The following ARFGEF1 variants were observed in gnomAD, a reference collection of about 807,000 sequenced individuals.
The protein encoded by ARFGEF1 is ARF guanine nucleotide exchange factor 1.
In ARFGEF1, 42 loss-of-function variants were observed where a neutral mutation model predicts 231.0. That is an observed-to-expected ratio of 0.18 (90% CI 0.14 to 0.24). The LOEUF (loss-of-function observed/expected upper bound fraction) is 0.24. ARFGEF1 is among the 10% of genes least tolerant of loss of function. ARFGEF1 has a pLI of 1.00. For missense variants in ARFGEF1, 1,345 were observed against 2,192.0 expected (o/e 0.61, Z 7.72); for synonymous variants, 710 against 732.3 (o/e 0.97, Z 0.49).
At chr8:67,257,842 T>A (rs1840510207) in intron 16 of ARFGEF1, 26 bp from the exon 17 acceptor site, 1 of 1,557,788 alleles carries the variant, frequency 6.4e-7, no homozygotes, top group African/African-American at 1.4e-5. Flanking sequence ...TATCATGTTA[T>A]AAACTTCTAC....
At chr8:67,195,588 G>A (rs1837779586), downstream of ARFGEF1, 2 of 1,613,876 alleles carry the variant, frequency 1.2e-6, no homozygotes, top group African/African-American at 1.3e-5. Flanking sequence ...GACTGCACAT[G>A]GTTAAAATAA....
intron 5 of ARFGEF1, among the ~76,000 whole-genome samples, chr8:67,293,722 T>G (rs1235819044): frequency 2.6e-5 from 4 of 152,130 alleles, no homozygotes; most frequent in Non-Finnish European, 4.4e-5. Flanking sequence ...CCTCTCAATT[T>G]TCACTCCCTT....
intron 5 of ARFGEF1, among the ~76,000 whole-genome samples, chr8:67,182,434 T>C (rs1406250013): frequency 9.2e-5 from 14 of 152,234 alleles, no homozygotes; most frequent in Non-Finnish European, 1.8e-4. Context: ...TTGTGAATAA[T>C]GCTCCTATGA....
intron 4 of ARFGEF1, among the ~76,000 whole-genome samples, chr8:67,298,257 CA>C (rs1806325694): frequency 6.6e-6 from 1 of 152,108 alleles, no homozygotes; most frequent in African/African-American, 2.4e-5. Flanking sequence ...CTATATATAG[CA>C]CATGAAAATT....
At chr8:67,305,674 T>C (rs186612541) in intron 1 of ARFGEF1, among the ~76,000 whole-genome samples, 1 of 152,298 alleles carries the variant, frequency 6.6e-6, no homozygotes, top group Admixed American at 6.5e-5. Flanking sequence ...AACTAGTGTA[T>C]TACCCAATAC....
At chr8:67,228,581 G>A (rs1386635630) in intron 23 of ARFGEF1, among the ~76,000 whole-genome samples, 1 of 151,962 alleles carries the variant, frequency 6.6e-6, no homozygotes, top group African/African-American at 2.4e-5. Context: ...ATATTAATTT[G>A]TAAAACTAAT....
intron 5 of ARFGEF1, among the ~76,000 whole-genome samples, chr8:67,181,436 G>A (rs1314712505): frequency 6.6e-6 from 1 of 151,298 alleles, no homozygotes; most frequent in African/African-American, 2.4e-5. Flanking sequence ...ACAGGGATGG[G>A]AAGATTGCTT....
chr8:67,210,028 A>G (rs1838669490), intron 34 of ARFGEF1, among the ~76,000 whole-genome samples: 1 of 151,630 alleles, frequency 6.6e-6, no homozygotes, highest in Non-Finnish European at 1.5e-5. Flanking sequence ...GGTGGCAGGC[A>G]CCTGTAGTCC....
At chr8:67,244,256 A>C (rs1173750379) in intron 19 of ARFGEF1, among the ~76,000 whole-genome samples, 1 of 29,464 alleles carries the variant, frequency 3.4e-5, no homozygotes, top group Non-Finnish European at 5.9e-5. Flanking sequence ...AAAAAAAAAA[A>C]AAAAAAAAAA....
intron 1 of ARFGEF1, among the ~76,000 whole-genome samples, chr8:67,327,599 C>T (rs749789992): frequency 3.3e-5 from 5 of 152,236 alleles, no homozygotes; most frequent in Non-Finnish European, 5.9e-5. Context: ...GGATTACAGG[C>T]GTGAGCCAAC....
In ARFGEF1 at chr8:67,288,023, T is replaced by C; in HGVS notation, c.959A>G (p.Asp320Gly). ...AATGTCTTGTGGCTTTTCCTCACAA[T>C]CATGGTTTTCTCCGTCATATAACAC... is the stretch of plus-strand genomic sequence containing the variant. ...NEVLYDGENH[D>G]CEEKPQDIVQ... The change falls in exon 7 of 39, where the codon GAT becomes GGT. Residue 320 changes from aspartate to glycine, a missense_variant. Around this residue, in one of 14 missense-constraint regions of ARFGEF1, gnomAD observed 398 missense variants for 463.2 expected, o/e 0.86. Coordinates refer to ENST00000262215, the MANE Select transcript of ARFGEF1 (RefSeq NM_006421.5). 6.2e-7 allele frequency: 1 copy of C among 1,608,450 alleles called. No homozygotes were observed. Among genetic ancestry groups the C allele is most frequent in the Non-Finnish European group, 8.5e-7 (1 of 1,178,288 alleles).
chr8:67,329,916 A>G (rs1322078503), intron 1 of ARFGEF1, among the ~76,000 whole-genome samples: 1 of 152,048 alleles, frequency 6.6e-6, no homozygotes, highest in African/African-American at 2.4e-5. Flanking sequence ...CTTCAATGAG[A>G]CTGAATTGGT....
chr8:67,311,587 C>T (rs563058697), intron 1 of ARFGEF1, among the ~76,000 whole-genome samples: 17 of 148,574 alleles, frequency 1.1e-4, no homozygotes, highest in Admixed American at 1.1e-3. Flanking sequence ...CCCCGCCTGG[C>T]CAGCCGCCTC....
chr8:67,201,324 A>G, intron 37 of ARFGEF1, 143 bp downstream of exon 37: 2 of 1,055,524 alleles, frequency 1.9e-6, no homozygotes, highest in Non-Finnish European at 2.6e-6. Context: ...CTAAGACTGA[A>G]TTTAATTTTT....
chr8:67,274,432 G>A (rs907493524), intron 9 of ARFGEF1, among the ~76,000 whole-genome samples: 6 of 151,952 alleles, frequency 3.9e-5, no homozygotes, highest in African/African-American at 1.2e-4. Context: ...GACCCTGACA[G>A]TCAAGTCAAG....
chr8:67,216,749 A>G lies in ARFGEF1; in HGVS notation c.4614-87T>C, dbSNP rs1284930495. The G allele has an allele frequency of 1.7e-5, 16 of 967,648 alleles. No homozygotes were observed. The Admixed American group carries it at 1.7e-4, about 10-fold the overall frequency. The allele number at this position is 967,648 out of a possible 1,614,324, so 59.9% of individuals were successfully genotyped here. A position where few individuals can be genotyped will look rare whatever the true frequency, so the allele number is the denominator to read the frequency against. On this transcript the variant is annotated intron_variant, in intron 32 of 38. Coordinates refer to ENST00000262215, the MANE Select transcript of ARFGEF1 (RefSeq NM_006421.5). ...ATTTTGAAATGGGCCCAAGAAAGTA[A>G]CAAGAACATACCAACTAAACAGTCC...
At chr8:67,258,317 G>T in intron 15 of ARFGEF1, 27 bp from the exon 16 acceptor site, 7 of 1,411,346 alleles carry the variant, frequency 5.0e-6, no homozygotes, top group African/African-American at 2.9e-5. Flanking sequence ...GATAGAAATT[G>T]ATATTTTCTT....
intron 7 of ARFGEF1, 143 bp from the exon 8 acceptor site, chr8:67,277,600 T>C (rs1805366519): frequency 4.3e-6 from 3 of 695,258 alleles, no homozygotes; most frequent in Non-Finnish European, 7.0e-6. Context: ...AAGGTTAGCA[T>C]ACTTACTACT....
At chr8:67,252,391 G>A (rs999994583) in intron 18 of ARFGEF1, among the ~76,000 whole-genome samples, 5 of 151,612 alleles carry the variant, frequency 3.3e-5, no homozygotes, top group Admixed American at 2.0e-4. Flanking sequence ...TAACACTCCA[G>A]GGTAATTTTG....
Sources: gnomAD v4.1 joint callset for allele counts (sites outside exome capture counted in the v4.1 genomes callset) on GRCh38, gnomAD v4.1.1 for gene constraint, gnomAD v4.1.1 regional missense constraint, MANE v1.5 for transcripts, NCBI Gene and HGNC (gene_info 2026-07-23, HGNC 2026-07-21) for gene names.